MEIOB: variants seen among roughly 807,000 people sequenced by gnomAD.
MEIOB encodes meiosis-specific with OB domain-containing protein.
In MEIOB, 50 loss-of-function variants were observed where a neutral mutation model predicts 53.1. The observed-to-expected ratio is 0.94, with a 90% CI of 0.75 to 1.19. The LOEUF (loss-of-function observed/expected upper bound fraction) is 1.19, where lower values mean the gene tolerates loss of function less well. Ranked by LOEUF, MEIOB falls within the 50% of genes most tolerant of loss-of-function variation. The pLI is 0.00. For missense variants in MEIOB, 551 were observed against 550.8 expected (o/e 1.00, Z 0.00); for synonymous variants, 192 against 182.5 (o/e 1.05, Z -0.42).
At chr16:1,840,766 G>C (rs1307189391) in intron 11 of MEIOB, among the ~76,000 whole-genome samples, 1 of 151,958 alleles carries the variant, frequency 6.6e-6, no homozygotes, top group African/African-American at 2.4e-5. Context: ...TAGCCAGGAT[G>C]GTCTCAATCT....
At chr16:1,855,257 C>G (rs1319813268) in intron 6 of MEIOB, among the ~76,000 whole-genome samples, 1 of 151,990 alleles carries the variant, frequency 6.6e-6, no homozygotes, top group African/African-American at 2.4e-5. Flanking sequence ...TATGGTGAAA[C>G]CTTGTCTCTA....
intron 6 of MEIOB, among the ~76,000 whole-genome samples, chr16:1,855,237 G>A (rs1899271106): frequency 1.3e-5 from 2 of 152,112 alleles, no homozygotes; most frequent in South Asian, 2.1e-4. Flanking sequence ...TTCAAGACTA[G>A]CCTGGCCAAT....
chr16:1,837,241 G>A (rs1898773354), intron 13 of MEIOB, among the ~76,000 whole-genome samples: 1 of 152,036 alleles, frequency 6.6e-6, no homozygotes, highest in African/African-American at 2.4e-5. Flanking sequence ...GAGGTGTGGT[G>A]GGATTAGGAT....
intron 13 of MEIOB, among the ~76,000 whole-genome samples, chr16:1,836,677 C>T (rs1031428143): frequency 4.6e-5 from 7 of 151,390 alleles, no homozygotes; most frequent in African/African-American, 1.7e-4. Context: ...AATGGGAAAA[C>T]CTGCTTATGA....
In MEIOB at chr16:1,853,028, A is replaced by T. The variant is rs895977070; in HGVS notation, c.778+11T>A. The T allele has an allele frequency of 6.4e-7, 1 of 1,571,468 alleles. No individual in the cohort carries two copies. The highest frequency in any genetic ancestry group is 1.1e-5 in the South Asian group (1 of 89,802). On this transcript the variant is annotated intron_variant, in intron 9 of 13. Coordinates refer to ENST00000325962, the MANE Select transcript of MEIOB (RefSeq NM_001163560.3). ...TTCCAAAGGGATAAAAGGTTTCACA[A>T]AGTTTTTTACCTGGATTAGTTGTAA...
At chr16:1,852,947 A>C in intron 9 of MEIOB, 92 bp downstream of exon 9, 1 of 796,726 alleles carries the variant, frequency 1.3e-6, no homozygotes, top group Non-Finnish European at 2.0e-6. Context: ...AATTAAATCC[A>C]GGCTGAATTT....
intron 6 of MEIOB, among the ~76,000 whole-genome samples, chr16:1,856,161 A>AT (rs71145499): frequency 0.82 from 117,676 of 143,396 alleles, 48,307 homozygotes; most frequent in Middle Eastern, 0.89. Context: ...TGCCCAGCTA[A>AT]TTTTTTTTTT....
At chr16:1,845,024 A>C in intron 9 of MEIOB, 61 bp from the exon 10 acceptor site, 2 of 732,792 alleles carry the variant, frequency 2.7e-6, no homozygotes, top group Non-Finnish European at 4.6e-6. Flanking sequence ...ATCACATTTA[A>C]ATCATCCAAA....
intron 9 of MEIOB, among the ~76,000 whole-genome samples, chr16:1,850,962 A>T (rs183507832): frequency 6.6e-6 from 1 of 152,234 alleles, no homozygotes; most frequent in East Asian, 1.9e-4. Flanking sequence ...TAAATAAACC[A>T]TACATAGTAC....
chr16:1,849,975 T>C (rs1330898793), intron 9 of MEIOB, among the ~76,000 whole-genome samples: 8 of 152,230 alleles, frequency 5.3e-5, no homozygotes, highest in African/African-American at 1.9e-4. Context: ...CAATTTTTTG[T>C]CAATTAAAAA....
At chr16:1,847,574 C>T (rs1031077065) in intron 9 of MEIOB, among the ~76,000 whole-genome samples, 1 of 150,232 alleles carries the variant, frequency 6.7e-6, no homozygotes, top group Non-Finnish European at 1.5e-5. Context: ...AGTTTGAGAC[C>T]CCCCAAAAAA....
chr16:1,865,863 CA>C (rs1221353960), intron 2 of MEIOB, 28 bp from the exon 3 acceptor site: 2 of 1,447,016 alleles, frequency 1.4e-6, no homozygotes, highest in Non-Finnish European at 1.9e-6. Context: ...CACAGAAGAC[CA>C]ATATTAAACA....
chr16:1,860,160 A>G (rs2150821246), intron 5 of MEIOB, among the ~76,000 whole-genome samples: 1 of 152,366 alleles, frequency 6.6e-6, no homozygotes, highest in East Asian at 1.9e-4. Context: ...TAACATGACA[A>G]AGTCAAATTT....
intron 6 of MEIOB, among the ~76,000 whole-genome samples, chr16:1,855,840 C>G (rs985980033): frequency 6.6e-6 from 1 of 152,086 alleles, no homozygotes; most frequent in East Asian, 1.9e-4. Flanking sequence ...GCCCTGCCAT[C>G]TGAAAGGGTC....
intron 4 of MEIOB, 44 bp downstream of exon 4, chr16:1,861,941 A>G: frequency 6.5e-7 from 1 of 1,528,996 alleles, no homozygotes; most frequent in Non-Finnish European, 8.8e-7. Flanking sequence ...TACCACAGGA[A>G]TAACACTATG....
chr16:1,864,325 C>A (rs918063930), intron 3 of MEIOB, among the ~76,000 whole-genome samples: 6 of 151,952 alleles, frequency 3.9e-5, no homozygotes, highest in Non-Finnish European at 7.4e-5. Context: ...ATTTTTGATA[C>A]AAATATAATG....
chr16:1,859,322 A>G (rs1239226440), intron 5 of MEIOB, among the ~76,000 whole-genome samples: 1 of 152,116 alleles, frequency 6.6e-6, no homozygotes, highest in Non-Finnish European at 1.5e-5. Context: ...CGGGCGGATC[A>G]CTTGAGGTCA....
chr16:1,864,702 G>A (rs1899540789), intron 3 of MEIOB, among the ~76,000 whole-genome samples: 1 of 151,900 alleles, frequency 6.6e-6, no homozygotes. Flanking sequence ...TGGTTAGGCT[G>A]GTCCCAAACT....
intron 6 of MEIOB, among the ~76,000 whole-genome samples, chr16:1,857,438 T>G (rs1214661288): frequency 1.3e-5 from 2 of 152,234 alleles, no homozygotes; most frequent in South Asian, 2.1e-4. Flanking sequence ...CCCTTTCCAT[T>G]TACATCTTTG....
Sources: allele counts gnomAD v4.1 joint callset (sites outside exome capture counted in the v4.1 genomes callset), GRCh38; gene constraint gnomAD v4.1.1; transcripts MANE v1.5; gene names NCBI Gene and HGNC (gene_info 2026-07-23, HGNC 2026-07-21).